Variants in DTNA observed in about 807,000 individuals in gnomAD.
DTNA encodes dystrophin-related protein 3.
DTNA carries 43 observed loss-of-function variants against 100.7 expected under a neutral mutation model. The observed-to-expected ratio is 0.43, with a 90% CI of 0.33 to 0.55. The LOEUF (loss-of-function observed/expected upper bound fraction) is 0.55, where lower values mean the gene tolerates loss of function less well. DTNA is among the 20% of genes least tolerant of loss of function. The probability of loss-of-function intolerance (pLI) is 0.04; values close to 1 mark genes in which losing one functional copy is unlikely to be tolerated. For synonymous variants in DTNA, 349 were observed against 347.9 expected (o/e 1.00, Z -0.04); for missense variants, 798 against 953.9 (o/e 0.84, Z 2.15).
chr18:34,598,888 A>G (rs1423133343), intron 1 of DTNA, among the ~76,000 whole-genome samples: 1 of 152,124 alleles, frequency 6.6e-6, no homozygotes, highest in Non-Finnish European at 1.5e-5. Context: ...TAAGGCCTTG[A>G]AGTGCAATTT....
chr18:34,743,427 G>A (rs2091055517), intron 1 of DTNA, among the ~76,000 whole-genome samples: 1 of 152,012 alleles, frequency 6.6e-6, no homozygotes, highest in Non-Finnish European at 1.5e-5. Context: ...AAATATTGTT[G>A]TTTTCTAAGT....
intron 1 of DTNA, among the ~76,000 whole-genome samples, chr18:34,691,448 A>C (rs978333750): frequency 1.3e-5 from 2 of 152,230 alleles, no homozygotes; most frequent in Non-Finnish European, 2.9e-5. Context: ...AAGGACTAGG[A>C]AACAATACCT....
chr18:34,626,441 C>T (rs1287863214), intron 1 of DTNA, among the ~76,000 whole-genome samples: 5 of 150,738 alleles, frequency 3.3e-5, no homozygotes, highest in African/African-American at 1.2e-4. Context: ...CAGAAAGTGT[C>T]CTGAAGTTAA....
chr18:34,718,330 AT>A (rs1239359610), intron 1 of DTNA, among the ~76,000 whole-genome samples: 1 of 152,232 alleles, frequency 6.6e-6, no homozygotes, highest in African/African-American at 2.4e-5. Context: ...AAATCTTAAC[AT>A]TCTTTGATTT....
chr18:34,501,145 T>A (rs1355610755), intron 1 of DTNA, among the ~76,000 whole-genome samples: 1 of 152,200 alleles, frequency 6.6e-6, no homozygotes, highest in East Asian at 1.9e-4. Flanking sequence ...TTTCCATTTT[T>A]TCCTGAGTTT....
At chr18:34,715,705 A>G (rs986579311) in intron 1 of DTNA, among the ~76,000 whole-genome samples, 1 of 152,122 alleles carries the variant, frequency 6.6e-6, no homozygotes, top group Non-Finnish European at 1.5e-5. Flanking sequence ...GACAAAAATC[A>G]TAAAGGAATG....
chr18:34,615,306 C>T (rs1181708801), intron 1 of DTNA, among the ~76,000 whole-genome samples: 1 of 152,130 alleles, frequency 6.6e-6, no homozygotes, highest in Non-Finnish European at 1.5e-5. Context: ...GAGGAATGCG[C>T]CCCCATGACC....
At chr18:34,791,125 A>G (rs2094721022) in intron 3 of DTNA, among the ~76,000 whole-genome samples, 2 of 152,164 alleles carry the variant, frequency 1.3e-5, no homozygotes, top group African/African-American at 4.8e-5. Context: ...GGTCACTCCC[A>G]TGGGCCTGGA....
At chr18:34,851,225 C>G (rs899573443) in intron 14 of DTNA, among the ~76,000 whole-genome samples, 15 of 152,120 alleles carry the variant, frequency 9.9e-5, no homozygotes, top group African/African-American at 2.4e-4. Context: ...CCTCAGCCCC[C>G]CTAGTAGCTG....
intron 1 of DTNA, among the ~76,000 whole-genome samples, chr18:34,674,256 T>C (rs1007338879): frequency 3.9e-5 from 6 of 152,190 alleles, no homozygotes; most frequent in Admixed American, 3.9e-4. Flanking sequence ...ACACTGGATG[T>C]GAACAACTAA....
intron 17 of DTNA, chr18:34,866,840 CTTTCGGCTCCG>C: frequency 9.8e-7 from 1 of 1,021,202 alleles, no homozygotes. Flanking sequence ...GCACCAGAGC[CTTTCGGCTCCG>C]GGAGACGAGA....
intron 1 of DTNA, among the ~76,000 whole-genome samples, chr18:34,610,939 A>G (rs1362601662): frequency 1.3e-5 from 2 of 152,356 alleles, no homozygotes; most frequent in South Asian, 2.1e-4. Context: ...GGCTGATGTC[A>G]CAATGTAACA....
intron 1 of DTNA, among the ~76,000 whole-genome samples, chr18:34,554,509 G>C (rs1026350074): frequency 2.7e-5 from 4 of 150,724 alleles, no homozygotes; most frequent in African/African-American, 9.7e-5. Context: ...TTGGCTGTGG[G>C]TTTGTCATAG....
chr18:34,721,040 A>G lies in DTNA; in HGVS notation c.-2+10595A>G, dbSNP rs535444642. On this transcript the variant is annotated intron_variant, in intron 1 of 22. Transcript: ENST00000444659. Reference sequence around the variant, plus strand: ...TGTTTGCAAAATATTCAATTATGTTATATTTGAATCTCCCACAATCCTAGG... The same window carrying G: ...TGTTTGCAAAATATTCAATTATGTTGTATTTGAATCTCCCACAATCCTAGG... 7.2e-5 allele frequency among the ~76,000 whole-genome samples: 11 copies of G among 152,302 alleles called. No individual in the cohort carries two copies. The South Asian group carries it at 2.3e-3, about 32-fold the overall frequency.
intron 15 of DTNA, among the ~76,000 whole-genome samples, chr18:34,852,260 G>GTAGAAGGT (rs1395343221): frequency 6.6e-6 from 1 of 152,072 alleles, no homozygotes; most frequent in East Asian, 1.9e-4. Context: ...TGGGTACTAG[G>GTAGAAGGT]TAGAAGGTGT....
intron 1 of DTNA, among the ~76,000 whole-genome samples, chr18:34,524,713 A>C (rs757426281): frequency 2.6e-5 from 4 of 152,142 alleles, no homozygotes; most frequent in Non-Finnish European, 4.4e-5. Flanking sequence ...ACGCTTGCAG[A>C]GAAATTATAA....
At position 34,884,788 on chromosome 18, in the gene DTNA, C is replaced by A; in HGVS notation, c.*31+12C>A. The A allele has an allele frequency of 6.2e-7, 1 of 1,613,834 alleles. No individual in the cohort carries two copies. The highest frequency in any genetic ancestry group is 8.5e-7 in the Non-Finnish European group (1 of 1,179,740). ...CACACTCCTCTCAAGTAAGTACCAT[C>A]TTATTTAGGAGGAATCATGGCCACT... On this transcript the variant is annotated intron_variant, in intron 22 of 22. Transcript: ENST00000444659.
At position 34,888,612 on chromosome 18, in the gene DTNA, T is replaced by G; in HGVS notation, c.*878T>G. ...CTAGTTTTTAAAATCAGCACAGATCTTCTTAAAAACTGTGAACTATGTTTT... is the reference window on the plus strand; with the variant it reads ...CTAGTTTTTAAAATCAGCACAGATCGTCTTAAAAACTGTGAACTATGTTTT... On this transcript the variant is annotated 3_prime_UTR_variant, in exon 23 of 23. Transcript: ENST00000444659. 1 of 985,870 alleles carries G rather than the reference T, an allele frequency of 1.0e-6. No homozygotes were observed. The highest frequency in any genetic ancestry group is 1.2e-6 in the Non-Finnish European group (1 of 829,932). The allele number at this position is 985,870 out of a possible 1,614,324, so 61.1% of individuals were successfully genotyped here.
At chr18:34,736,229 C>T (rs1402483858) in intron 1 of DTNA, among the ~76,000 whole-genome samples, 2 of 152,182 alleles carry the variant, frequency 1.3e-5, no homozygotes, top group Non-Finnish European at 2.9e-5. Flanking sequence ...TGAAATGTTA[C>T]TTTCCCTAAT....
Sources: allele counts gnomAD v4.1 joint callset (sites outside exome capture counted in the v4.1 genomes callset), GRCh38; gene constraint gnomAD v4.1.1; transcripts MANE v1.5; gene names NCBI Gene and HGNC (gene_info 2026-07-23, HGNC 2026-07-21).